LRRC69: variants seen among roughly 807,000 people sequenced by gnomAD.
The protein encoded by LRRC69 is leucine-rich repeat-containing protein 69.
Under a neutral mutation model 37.8 loss-of-function variants are expected in LRRC69, and 42 were observed. The observed-to-expected ratio is 1.11, with a 90% CI of 0.87 to 1.44. The LOEUF is 1.44. Among genes scored for constraint, LRRC69 ranks in the 40% most tolerant of loss-of-function variants. The pLI is 0.00. For synonymous variants in LRRC69, 141 were observed against 143.1 expected, an observed-to-expected ratio of 0.99 and a Z score of 0.11; for missense variants, 357 against 401.9, an observed-to-expected ratio of 0.89 and a Z score of 0.96.
chr8:91,166,492 GAAAAAAAA>G (rs66705016), intron 5 of LRRC69, among the ~76,000 whole-genome samples: 1,014 of 95,270 alleles, frequency 0.011, 6 homozygotes, highest in Middle Eastern at 0.034. Flanking sequence ...AAAATAAACT[GAAAAAAAA>G]AAAAAAAAAA....
At chr8:91,115,209 G>A (rs3885968) in intron 1 of LRRC69, among the ~76,000 whole-genome samples, 76,572 of 151,638 alleles carry the variant, frequency 0.5, 20,184 homozygotes, top group South Asian at 0.65. Context: ...TCATACATAC[G>A]CACACAGAGA....
At chr8:91,187,899 T>G (rs930770239) in intron 5 of LRRC69, among the ~76,000 whole-genome samples, 1 of 152,266 alleles carries the variant, frequency 6.6e-6, no homozygotes, top group Non-Finnish European at 1.5e-5. Context: ...TACTTATTCC[T>G]TCTTTCTCCT....
intron 6 of LRRC69, among the ~76,000 whole-genome samples, chr8:91,189,887 C>G (rs1271837719): frequency 1.3e-5 from 2 of 152,118 alleles, no homozygotes; most frequent in East Asian, 3.8e-4. Flanking sequence ...TTTATTTTCA[C>G]TTTAGCCTTT....
chr8:91,212,652 A>G (rs1196222390), intron 7 of LRRC69, among the ~76,000 whole-genome samples: 1 of 152,158 alleles, frequency 6.6e-6, no homozygotes, highest in Non-Finnish European at 1.5e-5. Context: ...TTAAGATACC[A>G]CTGACATTCA....
In LRRC69 at chr8:91,218,781, C is replaced by T. The variant is rs984294176; in HGVS notation, c.934-109C>T. ...CAAATCAAGCATAAATAGAATAGTG[C>T]GTCTTTAGAAGTCAATGTTCTGAAA... On this transcript the variant is annotated intron_variant, in intron 7 of 7. Coordinates refer to ENST00000448384, the Ensembl canonical transcript of LRRC69. The T allele has an allele frequency of 6.4e-5, 40 of 628,458 alleles. No individual in the cohort carries two copies. In the East Asian group the frequency reaches 8.8e-4, roughly 14 times the overall value. The allele number at this position is 628,458 out of a possible 1,614,324, so 38.9% of individuals were successfully genotyped here. A position where few individuals can be genotyped will look rare whatever the true frequency, so the allele number is the denominator to read the frequency against.
chr8:91,127,601 CAAAAAAAAAA>C (rs554876868), intron 3 of LRRC69, among the ~76,000 whole-genome samples: 2 of 66,570 alleles, frequency 3.0e-5, no homozygotes, highest in African/African-American at 5.7e-5. Flanking sequence ...TGTCATTAAC[CAAAAAAAAAA>C]AAAAAAAAAA....
chr8:91,173,301 A>AT (rs1198612199), intron 5 of LRRC69, among the ~76,000 whole-genome samples: 1 of 151,018 alleles, frequency 6.6e-6, no homozygotes, highest in Non-Finnish European at 1.5e-5. Flanking sequence ...TGCCTTAATT[A>AT]TTTTTGGTAA....
chr8:91,142,064 A>G (rs1371858331), intron 5 of LRRC69, among the ~76,000 whole-genome samples: 2 of 151,994 alleles, frequency 1.3e-5, no homozygotes, highest in Non-Finnish European at 2.9e-5. Flanking sequence ...CCTTTGAAAC[A>G]GTTTTTATTT....
At chr8:91,199,933 A>C (rs1356518956) in intron 6 of LRRC69, among the ~76,000 whole-genome samples, 1 of 152,156 alleles carries the variant, frequency 6.6e-6, no homozygotes, top group Non-Finnish European at 1.5e-5. Context: ...TTATTATTGC[A>C]AGTCAATTTT....
chr8:91,185,169 T>C (rs997290674), intron 5 of LRRC69, among the ~76,000 whole-genome samples: 1 of 152,128 alleles, frequency 6.6e-6, no homozygotes, highest in Non-Finnish European at 1.5e-5. Context: ...AAATAAGCCC[T>C]CCCAGATCAG....
rs139739748 is a variant in LRRC69, at chr8:91,171,958, T to TAA, written c.652-17564_652-17563insAA. Among the ~76,000 whole-genome samples the TAA allele has an allele frequency of 6.0e-5, 9 of 150,408 alleles. No individual in the cohort carries two copies. In the East Asian group the frequency reaches 7.9e-4, roughly 13 times the overall value. On this transcript the variant is annotated intron_variant, in intron 5 of 7. Transcript: ENST00000448384. ...CCACATGCACATGGAGGTTTTTTTTTTAAAAAATGGAATATTCAGACATGT... is the reference window on the plus strand; with the variant it reads ...CCACATGCACATGGAGGTTTTTTTTTAATAAAAAATGGAATATTCAGACATGT...
At chr8:91,108,414 A>G (rs1340323910) in intron 1 of LRRC69, among the ~76,000 whole-genome samples, 1 of 152,072 alleles carries the variant, frequency 6.6e-6, no homozygotes, top group Non-Finnish European at 1.5e-5. Flanking sequence ...TTAGTGGGGA[A>G]AGTTAATGAA....
intron 5 of LRRC69, chr8:91,158,851 A>G: frequency 1.5e-6 from 1 of 646,144 alleles, no homozygotes; most frequent in Non-Finnish European, 2.8e-6. Context: ...TGGAATGACT[A>G]TAAACATTGA....
Position 91,138,623 on chromosome 8 carries a change from G to A in LRRC69, c.651+2884G>A, listed in dbSNP as rs907203184. 16 of 150,348 alleles carry A rather than the reference G, an allele frequency of 1.1e-4. No individual in the cohort carries two copies. The South Asian group carries it at 2.5e-3, about 24-fold the overall frequency. 9.3% of individuals were successfully genotyped at this position (150,348 alleles called of 1,614,324 possible). On this transcript the variant is annotated intron_variant, in intron 5 of 7. Transcript: ENST00000448384. ...TATTTGCACTAGGACTTTTGTATAC[G>A]AATATACATTAAATGTAAATTTACA... is the stretch of plus-strand genomic sequence containing the variant.
intron 3 of LRRC69, among the ~76,000 whole-genome samples, chr8:91,129,053 G>A (rs1180315182): frequency 6.6e-6 from 1 of 152,006 alleles, no homozygotes; most frequent in Non-Finnish European, 1.5e-5. Context: ...GAGGGAAAAG[G>A]AGTTTTGTTT....
intron 5 of LRRC69, among the ~76,000 whole-genome samples, chr8:91,182,435 A>T (rs575308321): frequency 2.5e-4 from 38 of 152,308 alleles, no homozygotes; most frequent in Non-Finnish European, 5.0e-4. Context: ...AAAATAAATG[A>T]TACATGTTTA....
chr8:91,106,767 A>G (rs1366933799), intron 1 of LRRC69, among the ~76,000 whole-genome samples: 2 of 151,716 alleles, frequency 1.3e-5, no homozygotes, highest in Non-Finnish European at 1.5e-5. Flanking sequence ...CACTACATGC[A>G]TTGTCCTCTC....
At chr8:91,201,133 A>C (rs1809705439) in intron 7 of LRRC69, among the ~76,000 whole-genome samples, 1 of 152,226 alleles carries the variant, frequency 6.6e-6, no homozygotes, top group Admixed American at 6.5e-5. Flanking sequence ...GTAGTCTGTC[A>C]TGGAATTCTT....
At chr8:91,137,507 T>C (rs1170114645) in intron 5 of LRRC69, among the ~76,000 whole-genome samples, 1 of 152,098 alleles carries the variant, frequency 6.6e-6, no homozygotes, top group Non-Finnish European at 1.5e-5. Context: ...TAACTGATGT[T>C]CTTAAACTTC....
Sources: gnomAD v4.1 joint callset for allele counts (sites outside exome capture counted in the v4.1 genomes callset) on GRCh38, gnomAD v4.1.1 for gene constraint, MANE v1.5 for transcripts, NCBI Gene and HGNC (gene_info 2026-07-23, HGNC 2026-07-21) for gene names.